Variants in CD300LF observed in about 807,000 individuals in gnomAD.
The protein encoded by CD300LF is CMRF35-like molecule 1.
Under a neutral mutation model 32.2 loss-of-function variants are expected in CD300LF, and 27 were observed. The ratio of observed to expected loss-of-function variants is 0.84; its 90% confidence interval spans 0.62 to 1.15. The LOEUF (loss-of-function observed/expected upper bound fraction) is 1.15. Among genes scored for constraint, CD300LF ranks in the 50% most tolerant of loss-of-function variants. The pLI, the probability that CD300LF is intolerant of heterozygous loss-of-function variation, is 0.00. For missense variants in CD300LF, 348 were observed against 356.8 expected (o/e 0.98, Z 0.20); for synonymous variants, 139 against 143.2 (o/e 0.97, Z 0.21).
At chr17:74,698,244 G>T in intron 4 of CD300LF, 125 bp downstream of exon 4, 1 of 723,492 alleles carries the variant, frequency 1.4e-6, no homozygotes, top group Non-Finnish European at 2.3e-6. Context: ...GCCAGCTGCT[G>T]AGGGCCTTTG....
rs1291548841 is a variant in CD300LF at position 74,704,701 on chromosome 17, C to T, written c.159G>A (p.Trp53Ter). 1 of 1,614,208 alleles carries T rather than the reference C, an allele frequency of 6.2e-7. No individual in the cohort carries two copies. The change falls in exon 2 of 7, where the codon TGG (tryptophan) becomes TGA (stop). Residue 53 changes from tryptophan (W) to a stop codon, truncating the protein, a stop_gained. Coordinates refer to ENST00000326165, the MANE Select transcript of CD300LF (RefSeq NM_139018.5). LOFTEE classifies it high-confidence loss of function. The stretch of plus-strand genomic sequence containing the variant: ...AGTCACGCCAAATAGCTCCTCGACA[C>T]CACCACTTCAAGTAGGTCTCCCAGC... ...RSGWETYLKW[W>*]CRGAIWRDCK...
Position 74,694,940 on chromosome 17 carries a change from G to T in CD300LF, c.*156C>A. The T allele has an allele frequency of 1.3e-6, 1 of 746,684 alleles. No individual in the cohort carries two copies. Among genetic ancestry groups the T allele is most frequent in the Non-Finnish European group, 2.1e-6 (1 of 476,458 alleles). The allele number at this position is 746,684 out of a possible 1,614,324, so 46.3% of individuals were successfully genotyped here. A position where few individuals can be genotyped will look rare whatever the true frequency, so the allele number is the denominator to read the frequency against. ...ACTCCTAGAAGCCCCCTGAGACTTG[G>T]CCCCAAGCCCAACCCAGAGCTAGGG... is the stretch of plus-strand genomic sequence containing the variant. On this transcript the variant is annotated 3_prime_UTR_variant, in exon 7 of 7. Transcript: ENST00000326165.
chr17:74,704,656 G>A lies in CD300LF; in HGVS notation c.204C>T (p.Thr68=), dbSNP rs144991054. 49 of 1,614,022 alleles carry A rather than the reference G, an allele frequency of 3.0e-5. No homozygotes were observed. Among genetic ancestry groups the A allele is most frequent in the Non-Finnish European group, 3.9e-5 (46 of 1,180,038 alleles). The stretch of plus-strand genomic sequence containing the variant: ...TCTTCACCTCCTGCTCTGACCCACT[G>A]GTTTTAACAAGGATCTTGCAGTCAC... ...IWRDCKILVK[T]SGSEQEVKRD... Residue 68 remains threonine (T), a synonymous_variant, in exon 2 of 7, where the codon ACC becomes ACT. Transcript: ENST00000326165.
chr17:74,700,029 C>G (rs1270415837), intron 3 of CD300LF, among the ~76,000 whole-genome samples: 1 of 151,968 alleles, frequency 6.6e-6, no homozygotes, highest in Non-Finnish European at 1.5e-5. Flanking sequence ...GTAATCCCAG[C>G]TACTTGGGAA....
In CD300LF at chr17:74,695,740, C is replaced by T. The variant is rs1378511765; in HGVS notation, c.702G>A (p.Val234=). ...GAGGACGCACCATGGTGACATATTC[C>T]ACTTCCACCTGGTCAACCTGGGCAG... ...LSSAQVDQVE[V]EYVTMASLPK... is the part of the protein sequence containing the mutation. The change falls in exon 6 of 7, where the codon GTG becomes GTA. Residue 234 remains valine (V), a synonymous_variant. Transcript: ENST00000326165. 1 of 1,614,142 alleles carries T rather than the reference C, an allele frequency of 6.2e-7. No homozygotes were observed. The highest frequency in any genetic ancestry group is 8.5e-7 in the Non-Finnish European group (1 of 1,180,026).
At chr17:74,709,810 C>T (rs909081719) in intron 1 of CD300LF, among the ~76,000 whole-genome samples, 2 of 152,068 alleles carry the variant, frequency 1.3e-5, no homozygotes, top group South Asian at 2.1e-4. Flanking sequence ...TGGACTCAAC[C>T]GATCTGCCTG....
chr17:74,703,885 G>A (rs1033910100), intron 2 of CD300LF, among the ~76,000 whole-genome samples: 5 of 152,216 alleles, frequency 3.3e-5, no homozygotes, highest in African/African-American at 9.6e-5. Flanking sequence ...ATTCTAGAAG[G>A]ACATAGGAAG....
chr17:74,702,554 G>C (rs1772003837), intron 3 of CD300LF, among the ~76,000 whole-genome samples: 1 of 152,092 alleles, frequency 6.6e-6, no homozygotes, highest in Admixed American at 6.5e-5. Flanking sequence ...ATAGTAATCA[G>C]AGGAAAATTA....
intron 5 of CD300LF, among the ~76,000 whole-genome samples, 168 bp from the exon 6 acceptor site, chr17:74,696,027 C>G (rs904403651): frequency 6.6e-6 from 1 of 152,162 alleles, no homozygotes; most frequent in Non-Finnish European, 1.5e-5. Context: ...GCCCTTGTCC[C>G]CCTGGCTGTT....
chr17:74,694,338 T>C lies in CD300LF; in HGVS notation c.*758A>G, dbSNP rs2032238657. On this transcript the variant is annotated 3_prime_UTR_variant, in exon 7 of 7. Transcript: ENST00000326165. ...TGGCTCATTAAAAACAACACAAATT[T>C]ATTCTCCTGCAATTCTGGAGGCCAG... The C allele has an allele frequency of 6.6e-6, 1 of 152,180 alleles. No individual in the cohort carries two copies. Among genetic ancestry groups the C allele is most frequent in the East Asian group, 1.9e-4 (1 of 5,192 alleles). 9.4% of individuals were successfully genotyped at this position (152,180 alleles called of 1,614,324 possible). A position where few individuals can be genotyped will look rare whatever the true frequency, so the allele number is the denominator to read the frequency against.
At chr17:74,698,294 A>C in intron 4 of CD300LF, 75 bp downstream of exon 4, 9 of 1,017,514 alleles carry the variant, frequency 8.8e-6, no homozygotes, top group Non-Finnish European at 1.2e-5. Flanking sequence ...AATCCCTTGG[A>C]CCAGATAGCT....
chr17:74,694,949 C>A lies in CD300LF; in HGVS notation c.*147G>T. On this transcript the variant is annotated 3_prime_UTR_variant, in exon 7 of 7. Transcript: ENST00000326165. The stretch of plus-strand genomic sequence containing the variant: ...AGCCCCCTGAGACTTGGCCCCAAGC[C>A]CAACCCAGAGCTAGGGGCAATGCTG... 1.1e-6 allele frequency: 1 copy of A among 890,510 alleles called. No individual in the cohort carries two copies. The highest frequency in any genetic ancestry group is 1.7e-6 in the Non-Finnish European group (1 of 598,322). The allele number at this position is 890,510 out of a possible 1,614,324, so 55.2% of individuals were successfully genotyped here.
chr17:74,696,699 C>T (rs931721000), intron 4 of CD300LF, among the ~76,000 whole-genome samples: 1 of 152,214 alleles, frequency 6.6e-6, no homozygotes, highest in Non-Finnish European at 1.5e-5. Context: ...CATCTTCGTC[C>T]TACTGAATTC....
Position 74,694,555 on chromosome 17 carries a change from G to A in CD300LF, c.*541C>T, listed in dbSNP as rs948473961. ...TTGTCTCTACCTCTTTGACCTTCTG[G>A]CCTCTTTCTTATGAGGACCCTTGTG... On this transcript the variant is annotated 3_prime_UTR_variant, in exon 7 of 7. Transcript: ENST00000326165. 1.3e-5 allele frequency: 2 copies of A among 152,096 alleles called. No homozygotes were observed. Among genetic ancestry groups the A allele is most frequent in the African/African-American group, 4.8e-5 (2 of 41,388 alleles). The allele number at this position is 152,096 out of a possible 1,614,324, so 9.4% of individuals were successfully genotyped here.
intron 1 of CD300LF, among the ~76,000 whole-genome samples, chr17:74,708,698 G>T (rs11077760): frequency 0.11 from 16,737 of 151,990 alleles, 1,195 homozygotes; most frequent in Admixed American, 0.19. Flanking sequence ...GGGCGGATCA[G>T]GAGGTGAGGA....
intron 3 of CD300LF, among the ~76,000 whole-genome samples, chr17:74,698,885 G>T (rs752275594): frequency 5.3e-4 from 80 of 152,160 alleles, no homozygotes; most frequent in Non-Finnish European, 1.0e-3. Flanking sequence ...TAAAATTTAA[G>T]AATTTTAACA....
At chr17:74,705,429 C>A in intron 1 of CD300LF, 1 of 517,150 alleles carries the variant, frequency 1.9e-6, no homozygotes, top group Non-Finnish European at 3.5e-6. Flanking sequence ...ATTGCTTTGA[C>A]CCCTTTGTCA....
chr17:74,702,830 C>T (rs987325767), intron 3 of CD300LF, among the ~76,000 whole-genome samples: 1 of 152,210 alleles, frequency 6.6e-6, no homozygotes, highest in African/African-American at 2.4e-5. Context: ...ACAAACAGCA[C>T]TGAGCTGCAG....
intron 1 of CD300LF, among the ~76,000 whole-genome samples, chr17:74,711,906 CTTTT>C (rs71361629): frequency 8.1e-6 from 1 of 123,668 alleles, no homozygotes; most frequent in Non-Finnish European, 1.7e-5. Flanking sequence ...TTTCTTTTTT[CTTTT>C]TTTTTTTTTT....
Sources: gnomAD v4.1 joint callset for allele counts (sites outside exome capture counted in the v4.1 genomes callset) on GRCh38, gnomAD v4.1.1 for gene constraint, MANE v1.5 for transcripts, NCBI Gene and HGNC (gene_info 2026-07-23, HGNC 2026-07-21) for gene names.